WAC: variants seen among roughly 807,000 people sequenced by gnomAD.
WAC encodes WW domain-containing adapter protein with coiled-coil.
A neutral mutation model predicts 79.6 loss-of-function variants in WAC; 11 were observed. The ratio of observed to expected loss-of-function variants is 0.14; its 90% confidence interval spans 0.09 to 0.23. The LOEUF is 0.23. Among genes scored for constraint, WAC ranks in the 10% least tolerant of loss-of-function variants. The probability of loss-of-function intolerance (pLI) is 1.00; values close to 1 mark genes in which losing one functional copy is unlikely to be tolerated. For synonymous variants in WAC, 304 were observed against 276.9 expected (o/e 1.10, Z -0.97); for missense variants, 728 against 773.5 (o/e 0.94, Z 0.70).
intron 10 of WAC, among the ~76,000 whole-genome samples, chr10:28,613,753 T>G (rs374818439): frequency 3.3e-5 from 5 of 152,184 alleles, no homozygotes; most frequent in African/African-American, 1.2e-4. Flanking sequence ...AGGTGTGACT[T>G]AATCACAAAG....
At chr10:28,552,841 G>A (rs1837756012) in intron 3 of WAC, among the ~76,000 whole-genome samples, 1 of 128,474 alleles carries the variant, frequency 7.8e-6, no homozygotes, top group African/African-American at 2.9e-5. Context: ...AATCCACTTG[G>A]CTGCTTTTTT....
intron 3 of WAC, among the ~76,000 whole-genome samples, chr10:28,572,238 G>T (rs1025056348): frequency 6.6e-6 from 1 of 151,212 alleles, no homozygotes; most frequent in Non-Finnish European, 1.5e-5. Flanking sequence ...TTGAGAGGCC[G>T]AGGCAGGAGA....
intron 3 of WAC, among the ~76,000 whole-genome samples, chr10:28,563,385 T>C (rs1838405492): frequency 6.6e-6 from 1 of 152,356 alleles, no homozygotes; most frequent in Middle Eastern, 3.4e-3. Flanking sequence ...TTAATAGTTC[T>C]CTATTTTAGG....
At chr10:28,535,422 G>A in intron 2 of WAC, 140 bp from the exon 3 acceptor site, 1 of 1,023,020 alleles carries the variant, frequency 9.8e-7, no homozygotes, top group Non-Finnish European at 1.4e-6. Flanking sequence ...ACTTTAAAGA[G>A]TAAAGCAGAA....
At chr10:28,533,725 C>T (rs952897258) in intron 1 of WAC, 105 bp downstream of exon 1, 138 of 1,373,506 alleles carry the variant, frequency 1.0e-4, no homozygotes, top group Admixed American at 2.5e-4. Flanking sequence ...TGTTGTTAAC[C>T]CTGATCCGGA....
intron 12 of WAC, 65 bp downstream of exon 12, chr10:28,616,427 T>G (rs1272652728): frequency 1.5e-5 from 20 of 1,298,672 alleles, no homozygotes; most frequent in Non-Finnish European, 2.0e-5. Flanking sequence ...AATCAACTTC[T>G]AGAGAATCTA....
At chr10:28,566,312 T>G (rs1384109586) in intron 3 of WAC, among the ~76,000 whole-genome samples, 1 of 152,168 alleles carries the variant, frequency 6.6e-6, no homozygotes, top group Non-Finnish European at 1.5e-5. Context: ...GTTGACTGTT[T>G]TTATAAAAAA....
chr10:28,617,861 CATTTT>C, intron 13 of WAC, 77 bp downstream of exon 13: 6 of 1,435,812 alleles, frequency 4.2e-6, no homozygotes, highest in Non-Finnish European at 5.5e-6. Context: ...ATGTAAATCA[CATTTT>C]ATTTATGAAA....
chr10:28,541,409 G>GTTTTTTTTTTT, intron 3 of WAC, among the ~76,000 whole-genome samples: 1 of 81,340 alleles, frequency 1.2e-5, no homozygotes, highest in African/African-American at 4.0e-5. Context: ...GGTTGTGTGT[G>GTTTTTTTTTTT]TGTGTGTTTT....
intron 9 of WAC, chr10:28,611,097 A>G (rs1302358337): frequency 2.1e-5 from 12 of 558,464 alleles, no homozygotes; most frequent in Non-Finnish European, 3.1e-5. Flanking sequence ...TTTGTTATTA[A>G]TGAGTTTTTT....
chr10:28,611,089 T>G (rs1289934565), intron 9 of WAC: 2 of 553,460 alleles, frequency 3.6e-6, no homozygotes, highest in Non-Finnish European at 5.9e-6. Flanking sequence ...ATTCAGACTT[T>G]GTTATTAATG....
At chr10:28,564,758 G>A (rs1481936972) in intron 3 of WAC, among the ~76,000 whole-genome samples, 1 of 152,136 alleles carries the variant, frequency 6.6e-6, no homozygotes, top group African/African-American at 2.4e-5. Context: ...TGCCACAATG[G>A]CATCACCTTG....
chr10:28,611,562 G>A, intron 9 of WAC: 1 of 1,323,170 alleles, frequency 7.6e-7, no homozygotes, highest in South Asian at 1.5e-5. Context: ...GCCACACTGG[G>A]TGTGCTTACC....
intron 3 of WAC, among the ~76,000 whole-genome samples, chr10:28,562,932 T>C (rs928597950): frequency 3.9e-5 from 6 of 152,306 alleles, no homozygotes; most frequent in Admixed American, 3.9e-4. Context: ...GAAAAATAAA[T>C]AACGGTGAAA....
chr10:28,586,890 G>A (rs1162498370), intron 4 of WAC, among the ~76,000 whole-genome samples: 1 of 152,144 alleles, frequency 6.6e-6, no homozygotes, highest in Non-Finnish European at 1.5e-5. Context: ...ATGTGCTTAA[G>A]TTCAATCCTG....
chr10:28,594,318 A>ATTAT (rs1467177752), intron 6 of WAC, among the ~76,000 whole-genome samples: 1 of 152,186 alleles, frequency 6.6e-6, no homozygotes, highest in Admixed American at 6.5e-5. Flanking sequence ...TGGGCATGAT[A>ATTAT]TTATTCCTGC....
intron 7 of WAC, among the ~76,000 whole-genome samples, chr10:28,602,460 C>T (rs1840690380): frequency 6.6e-6 from 1 of 152,164 alleles, no homozygotes; most frequent in South Asian, 2.1e-4. Context: ...CACTTACATA[C>T]CTCTTCATAA....
intron 3 of WAC, chr10:28,536,105 G>A (rs768344563): frequency 5.1e-4 from 80 of 157,186 alleles, no homozygotes; most frequent in Non-Finnish European, 1.0e-3. Context: ...GTTGGGCATG[G>A]TGGTGGTGGC....
chr10:28,539,803 C>T (rs1165284463), intron 3 of WAC, among the ~76,000 whole-genome samples: 5 of 152,144 alleles, frequency 3.3e-5, no homozygotes, highest in African/African-American at 4.8e-5. Context: ...AAGTGATCCA[C>T]CTGCCTCGGC....
Sources: gnomAD v4.1 joint callset for allele counts (sites outside exome capture counted in the v4.1 genomes callset) on GRCh38, gnomAD v4.1.1 for gene constraint, MANE v1.5 for transcripts, NCBI Gene and HGNC (gene_info 2026-07-23, HGNC 2026-07-21) for gene names.